Variants in WFDC1 observed in about 807,000 individuals in gnomAD.
The protein encoded by WFDC1 is WAP four-disulfide core domain 1.
A neutral mutation model predicts 32.9 loss-of-function variants in WFDC1; 39 were observed. That is an observed-to-expected ratio of 1.19 (90% CI 0.92 to 1.55). The LOEUF is 1.55. Among genes scored for constraint, WFDC1 ranks in the 40% most tolerant of loss-of-function variants. The pLI is 0.00. For synonymous variants in WFDC1, 184 were observed against 137.4 expected, an observed-to-expected ratio of 1.34 and a Z score of -2.37; for missense variants, 386 against 309.5, an observed-to-expected ratio of 1.25 and a Z score of -1.85.
chr16:84,315,337 C>T (rs1321284598), intron 2 of WFDC1, among the ~76,000 whole-genome samples: 2 of 152,220 alleles, frequency 1.3e-5, no homozygotes, highest in African/African-American at 4.8e-5. Flanking sequence ...ATCTGGAAGA[C>T]TGTGTTTTAC....
chr16:84,315,946 C>G (rs1311880380), intron 2 of WFDC1: 4 of 152,238 alleles, frequency 2.6e-5, no homozygotes, highest in Non-Finnish European at 4.4e-5. Context: ...CCCAGGGCCA[C>G]CAGGCCTTTA....
intron 1 of WFDC1, among the ~76,000 whole-genome samples, chr16:84,305,297 ATGGGGACAGCAGTGGTACCTAC>A (rs1212881970): frequency 6.6e-6 from 1 of 152,108 alleles, no homozygotes; most frequent in African/African-American, 2.4e-5. Context: ...CACCTATGCA[ATGGGGACAGCAGTGGTACCTAC>A]TGGGGAGGGC....
rs1653167032 is a variant in WFDC1 at position 84,295,215 on chromosome 16, C to T, written c.144+100C>T. The T allele has an allele frequency of 8.0e-6, 12 of 1,493,914 alleles. No homozygotes were observed. In the South Asian group the frequency reaches 1.5e-4, roughly 19 times the overall value. 92.5% of individuals were successfully genotyped at this position (1,493,914 alleles called of 1,614,324 possible). A position where few individuals can be genotyped will look rare whatever the true frequency, so the allele number is the denominator to read the frequency against. On this transcript the variant is annotated intron_variant, in intron 1 of 6. Transcript: ENST00000219454. ...ACACTGCCTTCTCCTGTAAGTGCTC[C>T]CCCAAAACGTGGCAAGGCAGGCGTC...
At chr16:84,311,993 C>T (rs1429834207) in intron 1 of WFDC1, among the ~76,000 whole-genome samples, 1 of 152,000 alleles carries the variant, frequency 6.6e-6, no homozygotes, top group African/African-American at 2.4e-5. Flanking sequence ...TGTAGAAACC[C>T]TGTCTCTACT....
At chr16:84,312,057 C>A (rs1158590982) in intron 1 of WFDC1, among the ~76,000 whole-genome samples, 1 of 151,828 alleles carries the variant, frequency 6.6e-6, no homozygotes, top group Admixed American at 6.6e-5. Flanking sequence ...CCCAGCTACT[C>A]GGGAGGCTGA....
chr16:84,310,818 C>A (rs1391906693), intron 1 of WFDC1, among the ~76,000 whole-genome samples: 1 of 152,130 alleles, frequency 6.6e-6, no homozygotes, highest in African/African-American at 2.4e-5. Flanking sequence ...TTTGCCAACA[C>A]CTTAAAGGCA....
At chr16:84,314,288 G>GGAC (rs1567658817) in intron 2 of WFDC1, among the ~76,000 whole-genome samples, 13 of 152,014 alleles carry the variant, frequency 8.6e-5, no homozygotes, top group Non-Finnish European at 1.5e-4. Context: ...ACAGTAAGTG[G>GGAC]GGAGTAGGGT....
chr16:84,315,620 G>T (rs1217839346), intron 2 of WFDC1, among the ~76,000 whole-genome samples: 1 of 152,170 alleles, frequency 6.6e-6, no homozygotes, highest in African/African-American at 2.4e-5. Flanking sequence ...TGGGCAGGGG[G>T]GCGCTCTCCC....
At chr16:84,324,577 C>G (rs1908480741) in intron 5 of WFDC1, 117 bp downstream of exon 5, 1 of 1,195,142 alleles carries the variant, frequency 8.4e-7, no homozygotes, top group South Asian at 1.4e-5. Context: ...AAAATGGGAC[C>G]TGGGATTAAG....
At chr16:84,302,833 A>G (rs955113435) in intron 1 of WFDC1, among the ~76,000 whole-genome samples, 1 of 151,754 alleles carries the variant, frequency 6.6e-6, no homozygotes, top group African/African-American at 2.4e-5. Flanking sequence ...TTTCCAGCCC[A>G]GCGCCCGAAA....
At chr16:84,300,103 G>A (rs6564008) in intron 1 of WFDC1, among the ~76,000 whole-genome samples, 1 of 152,300 alleles carries the variant, frequency 6.6e-6, no homozygotes, top group African/African-American at 2.4e-5. Flanking sequence ...ATGGCCTGGA[G>A]CTGTGCTTTC....
intron 1 of WFDC1, among the ~76,000 whole-genome samples, chr16:84,306,975 A>G (rs991331525): frequency 6.6e-5 from 10 of 152,154 alleles, no homozygotes; most frequent in African/African-American, 2.4e-4. Flanking sequence ...GAAGCTCCAC[A>G]AAGCAGGGAG....
At chr16:84,321,384 G>T (rs377668255) in intron 4 of WFDC1, among the ~76,000 whole-genome samples, 1 of 152,292 alleles carries the variant, frequency 6.6e-6, no homozygotes, top group Non-Finnish European at 1.5e-5. Context: ...AGGTAAAACC[G>T]CAAGGGCCTG....
rs1158251727 is a variant in WFDC1, at chr16:84,312,991, C to T, written c.175C>T (p.Arg59Trp). The T allele has an allele frequency of 1.2e-5, 14 of 1,197,798 alleles. No individual in the cohort carries two copies. The highest frequency in any genetic ancestry group is 1.1e-4 in the East Asian group (3 of 28,142). The allele number at this position is 1,197,798 out of a possible 1,614,324, so 74.2% of individuals were successfully genotyped here. A position where few individuals can be genotyped will look rare whatever the true frequency, so the allele number is the denominator to read the frequency against. The stretch of plus-strand genomic sequence containing the variant: ...GGAGGCGGGCGCGCCCGGCGGCCCC[C>T]GGCAGCCCCGAGCAGACCGCTGCCC... ...AEEAGAPGGP[R>W]QPRADRCPPP... The change falls in exon 2 of 7, where the codon CGG becomes TGG. Residue 59 changes from arginine to tryptophan, a missense_variant. Arg to Trp is a moderately radical substitution (Grantham distance 101, BLOSUM62 -3). Transcript: ENST00000219454.
intron 1 of WFDC1, among the ~76,000 whole-genome samples, chr16:84,302,420 C>T (rs546725485): frequency 6.6e-6 from 1 of 152,282 alleles, no homozygotes; most frequent in South Asian, 2.1e-4. Flanking sequence ...ACCTGAGGCA[C>T]CTCTCGGGAA....
At position 84,318,256 on chromosome 16, in the gene WFDC1, C is replaced by T; in HGVS notation, c.338-16C>T. On this transcript the variant is annotated splice_polypyrimidine_tract_variant and intron_variant, in intron 2 of 6. Coordinates refer to ENST00000219454, the MANE Select transcript of WFDC1 (RefSeq NM_021197.4). ...CTGCTTGAGGAGGGCCCTGATCTGA[C>T]CCCGTATTGTGTTAGTCTTAGACTG... The T allele has an allele frequency of 6.2e-7, 1 of 1,613,910 alleles. No homozygotes were observed. Among genetic ancestry groups the T allele is most frequent in the Non-Finnish European group, 8.5e-7 (1 of 1,179,814 alleles).
chr16:84,308,185 C>G (rs1907380932), intron 1 of WFDC1, among the ~76,000 whole-genome samples: 1 of 152,174 alleles, frequency 6.6e-6, no homozygotes, highest in South Asian at 2.1e-4. Context: ...GCCATTCCTG[C>G]TCTCTGCCCC....
At chr16:84,302,744 G>T (rs1192584999) in intron 1 of WFDC1, among the ~76,000 whole-genome samples, 1 of 152,146 alleles carries the variant, frequency 6.6e-6, no homozygotes, top group Non-Finnish European at 1.5e-5. Flanking sequence ...GTGCTGTTGT[G>T]TGTGGTGTCT....
At chr16:84,324,275 C>G (rs144052702) in intron 4 of WFDC1, 144 bp from the exon 5 acceptor site, 1 of 682,140 alleles carries the variant, frequency 1.5e-6, no homozygotes, top group Non-Finnish European at 2.5e-6. Context: ...ATTACAAATG[C>G]TCATGTAGCC....
Sources: allele counts gnomAD v4.1 joint callset (sites outside exome capture counted in the v4.1 genomes callset), GRCh38; gene constraint gnomAD v4.1.1; transcripts MANE v1.5; gene names NCBI Gene and HGNC (gene_info 2026-07-23, HGNC 2026-07-21).